Variants in AMPH observed in about 807,000 individuals in gnomAD.
AMPH encodes the protein amphiphysin, also known as amphiphysin (Stiff-Mann syndrome with breast cancer 128kD autoantigen).
Under a neutral mutation model 99.1 loss-of-function variants are expected in AMPH, and 49 were observed. That is an observed-to-expected ratio of 0.49 (90% CI 0.39 to 0.63). AMPH has a LOEUF of 0.63. Ranked by LOEUF, AMPH falls within the 20% of genes least tolerant of loss-of-function variation. The pLI, the probability that AMPH is intolerant of heterozygous loss-of-function variation, is 0.00. For synonymous variants in AMPH, 314 were observed against 317.3 expected (o/e 0.99, Z 0.11); for missense variants, 759 against 863.4 (o/e 0.88, Z 1.52).
intron 9 of AMPH, chr7:38,464,005 G>A: frequency 8.2e-7 from 1 of 1,226,516 alleles, no homozygotes; most frequent in Middle Eastern, 2.2e-4. Context: ...CCACATGATT[G>A]GGGTCATATG....
At chr7:38,455,162 C>T (rs1234365085) in intron 11 of AMPH, among the ~76,000 whole-genome samples, 1 of 152,060 alleles carries the variant, frequency 6.6e-6, no homozygotes, top group Non-Finnish European at 1.5e-5. Context: ...TCACCGCAAC[C>T]TCCGCCTCCC....
chr7:38,428,669 C>G (rs1454671954), intron 14 of AMPH: 1 of 456,692 alleles, frequency 2.2e-6, no homozygotes, highest in Non-Finnish European at 4.4e-6. Flanking sequence ...CAGAGTAGGT[C>G]TGGAGAGATG....
At chr7:38,518,605 G>T (rs1789839169) in intron 2 of AMPH, among the ~76,000 whole-genome samples, 1 of 152,178 alleles carries the variant, frequency 6.6e-6, no homozygotes, top group Admixed American at 6.5e-5. Context: ...CCTTTAGAAT[G>T]GGAATGTCTG....
At chr7:38,411,070 T>C (rs545824173) in intron 17 of AMPH, among the ~76,000 whole-genome samples, 1 of 152,362 alleles carries the variant, frequency 6.6e-6, no homozygotes, top group South Asian at 2.1e-4. Flanking sequence ...GATAGACAGC[T>C]ATGGCTTAAA....
chr7:38,467,815 C>T (rs1024513971), intron 7 of AMPH, among the ~76,000 whole-genome samples: 5 of 151,926 alleles, frequency 3.3e-5, no homozygotes, highest in Non-Finnish European at 7.4e-5. Flanking sequence ...AACAGAGAAA[C>T]TGAGAAGAGA....
chr7:38,436,426 T>G, intron 11 of AMPH, 38 bp from the exon 12 acceptor site: 1 of 1,465,956 alleles, frequency 6.8e-7, no homozygotes, highest in Non-Finnish European at 9.6e-7. Flanking sequence ...AAAACATGTA[T>G]TAGCTTGAAT....
chr7:38,415,689 T>C (rs1471747527), intron 17 of AMPH, among the ~76,000 whole-genome samples: 1 of 152,192 alleles, frequency 6.6e-6, no homozygotes, highest in African/African-American at 2.4e-5. Context: ...CCACTACTGA[T>C]GACCATTAGG....
intron 2 of AMPH, among the ~76,000 whole-genome samples, chr7:38,516,742 C>T (rs1290235453): frequency 6.6e-6 from 1 of 152,196 alleles, no homozygotes; most frequent in Non-Finnish European, 1.5e-5. Context: ...AAGCTGCAGG[C>T]ACTCAACACC....
chr7:38,427,053 T>C, intron 14 of AMPH, 67 bp from the exon 15 acceptor site: 1 of 1,404,344 alleles, frequency 7.1e-7, no homozygotes, highest in Non-Finnish European at 1.0e-6. Context: ...CCAGTAAATA[T>C]CCATTAGACA....
intron 2 of AMPH, among the ~76,000 whole-genome samples, chr7:38,511,000 G>C (rs553018211): frequency 2.0e-5 from 3 of 152,178 alleles, no homozygotes; most frequent in African/African-American, 7.2e-5. Flanking sequence ...TCTGAGCTCT[G>C]CCACTTCTAA....
chr7:38,544,490 T>C (rs910299426), intron 1 of AMPH, among the ~76,000 whole-genome samples: 11 of 152,208 alleles, frequency 7.2e-5, no homozygotes, highest in African/African-American at 2.7e-4. Context: ...TGTCCAGGAA[T>C]TGCCTGGAAT....
intron 1 of AMPH, among the ~76,000 whole-genome samples, chr7:38,569,882 A>C (rs1487546809): frequency 2.0e-5 from 3 of 152,222 alleles, no homozygotes; most frequent in African/African-American, 7.2e-5. Context: ...TTTCATAAAA[A>C]CAGAAAACCA....
intron 2 of AMPH, among the ~76,000 whole-genome samples, chr7:38,514,429 G>A (rs1789659104): frequency 6.6e-6 from 1 of 152,184 alleles, no homozygotes; most frequent in Non-Finnish European, 1.5e-5. Context: ...CAACATTAAA[G>A]AACTCCTGCA....
At chr7:38,532,138 A>G (rs1490197989) in intron 2 of AMPH, among the ~76,000 whole-genome samples, 1 of 152,094 alleles carries the variant, frequency 6.6e-6, no homozygotes, top group Non-Finnish European at 1.5e-5. Flanking sequence ...AACCTTTAAT[A>G]TGTTTCAAAA....
At chr7:38,542,767 G>C (rs531573251) in intron 1 of AMPH, among the ~76,000 whole-genome samples, 1 of 152,176 alleles carries the variant, frequency 6.6e-6, no homozygotes, top group Non-Finnish European at 1.5e-5. Flanking sequence ...ACCAGCCTGA[G>C]CAACATGGCG....
chr7:38,462,833 A>G (rs1787501920), intron 10 of AMPH, 142 bp downstream of exon 10: 2 of 894,864 alleles, frequency 2.2e-6, no homozygotes, highest in South Asian at 3.6e-5. Context: ...CTTCATGACA[A>G]TCACAATGCC....
chr7:38,536,947 T>C (rs557715351), intron 1 of AMPH, among the ~76,000 whole-genome samples: 8 of 152,312 alleles, frequency 5.3e-5, no homozygotes, highest in Non-Finnish European at 8.8e-5. Flanking sequence ...AAGTTAATAG[T>C]GGCTATTTCT....
intron 4 of AMPH, among the ~76,000 whole-genome samples, chr7:38,491,932 G>C (rs567975072): frequency 2.6e-5 from 4 of 152,158 alleles, no homozygotes; most frequent in Non-Finnish European, 5.9e-5. Context: ...GTGACTTTGG[G>C]GAACTAGACC....
intron 4 of AMPH, among the ~76,000 whole-genome samples, chr7:38,494,097 C>T (rs564231529): frequency 6.6e-5 from 10 of 152,288 alleles, no homozygotes; most frequent in Middle Eastern, 3.4e-3. Context: ...GCTGAGATTA[C>T]AGGCGTGTGC....
Sources: allele counts gnomAD v4.1 joint callset (sites outside exome capture counted in the v4.1 genomes callset), GRCh38; gene constraint gnomAD v4.1.1; transcripts MANE v1.5; gene names NCBI Gene and HGNC (gene_info 2026-07-23, HGNC 2026-07-21).